The following CHSY3 variants were observed in gnomAD, a reference collection of about 807,000 sequenced individuals.
CHSY3 encodes the protein N-acetylgalactosaminyl-proteoglycan 3-beta-glucuronosyltransferase 3.
In CHSY3, 35 loss-of-function variants were observed where a neutral mutation model predicts 67.2. The observed-to-expected ratio is 0.52, with a 90% CI of 0.40 to 0.69. The LOEUF (loss-of-function observed/expected upper bound fraction) is 0.69, where lower values mean the gene tolerates loss of function less well. CHSY3 is among the 30% of genes least tolerant of loss of function. CHSY3 has a pLI of 0.00. For synonymous variants in CHSY3, 474 were observed against 434.7 expected, an observed-to-expected ratio of 1.09 and a Z score of -1.12; for missense variants, 1,069 against 1,138.5, an observed-to-expected ratio of 0.94 and a Z score of 0.88.
chr5:130,040,129 C>T, intron 2 of CHSY3, among the ~76,000 whole-genome samples: 1 of 152,132 alleles, frequency 6.6e-6, no homozygotes, highest in Non-Finnish European at 1.5e-5. Context: ...CATCCAGGTA[C>T]TTGGGTGCCC....
At chr5:130,041,965 A>G (rs1429419014) in intron 2 of CHSY3, among the ~76,000 whole-genome samples, 1 of 152,126 alleles carries the variant, frequency 6.6e-6, no homozygotes, top group Admixed American at 6.6e-5. Flanking sequence ...TCAGCCTGGT[A>G]CAGTGGCTCA....
rs35333880 is a variant in CHSY3 at position 129,919,113 on chromosome 5, CAAAA to C, written c.1086+10774_1086+10777del. Among the ~76,000 whole-genome samples the C allele has an allele frequency of 8.2e-5, 6 of 73,432 alleles. No individual in the cohort carries two copies. The South Asian group carries it at 2.8e-3, about 34-fold the overall frequency. The allele number at this position is 73,432 out of a possible 152,430, so 48.2% of individuals were successfully genotyped here. On this transcript the variant is annotated intron_variant, in intron 2 of 2. Coordinates refer to ENST00000305031, the MANE Select transcript of CHSY3 (RefSeq NM_175856.5). ...TGGGCGACAGAGCGAGACTCCGTCT[CAAAA>C]AAAAAAAAAAAAAAAAAAAATTTAT...
At chr5:130,009,976 A>C (rs1764003178) in intron 2 of CHSY3, among the ~76,000 whole-genome samples, 1 of 152,206 alleles carries the variant, frequency 6.6e-6, no homozygotes, top group African/African-American at 2.4e-5. Flanking sequence ...TGGAGCACCC[A>C]GATCATAAAA....
At chr5:130,040,415 C>T (rs914640186) in intron 2 of CHSY3, among the ~76,000 whole-genome samples, 1 of 151,990 alleles carries the variant, frequency 6.6e-6, no homozygotes, top group East Asian at 1.9e-4. Flanking sequence ...AAGTTTGCTC[C>T]CCGAAATTGT....
chr5:130,068,841 C>T (rs1765968693), intron 2 of CHSY3, among the ~76,000 whole-genome samples: 1 of 152,054 alleles, frequency 6.6e-6, no homozygotes, highest in Non-Finnish European at 1.5e-5. Context: ...AGTTCAATAA[C>T]CACTAGAAAG....
chr5:129,943,271 A>T (rs1456828152), intron 2 of CHSY3, among the ~76,000 whole-genome samples: 1 of 152,216 alleles, frequency 6.6e-6, no homozygotes, highest in African/African-American at 2.4e-5. Context: ...AAGGTTTTGC[A>T]GTAATTCAGT....
chr5:130,102,572 C>T (rs961283984), intron 2 of CHSY3, among the ~76,000 whole-genome samples: 1 of 151,614 alleles, frequency 6.6e-6, no homozygotes, highest in Non-Finnish European at 1.5e-5. Context: ...TAGAGCAGCA[C>T]AATGATTTCA....
At chr5:130,160,253 T>G (rs1376114889) in intron 2 of CHSY3, among the ~76,000 whole-genome samples, 3 of 152,236 alleles carry the variant, frequency 2.0e-5, no homozygotes, top group Non-Finnish European at 2.9e-5. Context: ...TCCTTGTCCA[T>G]CTGACTCCCA....
chr5:130,020,910 G>A (rs1048745544), intron 2 of CHSY3, among the ~76,000 whole-genome samples: 3 of 151,916 alleles, frequency 2.0e-5, no homozygotes, highest in Admixed American at 6.6e-5. Context: ...AGTTATTTAC[G>A]TGTTTTTTTC....
chr5:129,929,326 T>A (rs1761222284), intron 2 of CHSY3, among the ~76,000 whole-genome samples: 1 of 152,232 alleles, frequency 6.6e-6, no homozygotes, highest in Non-Finnish European at 1.5e-5. Flanking sequence ...TATGTAAGAA[T>A]AAAGTTTTCA....
intron 2 of CHSY3, among the ~76,000 whole-genome samples, chr5:129,938,084 C>T (rs1220530681): frequency 6.6e-6 from 1 of 152,236 alleles, no homozygotes; most frequent in Non-Finnish European, 1.5e-5. Context: ...AACTCTTGCC[C>T]TCTGTGCACC....
At chr5:129,987,864 C>T (rs534737968) in intron 2 of CHSY3, among the ~76,000 whole-genome samples, 65 of 152,204 alleles carry the variant, frequency 4.3e-4, no homozygotes, top group African/African-American at 1.2e-3. Context: ...TGATTTTTCT[C>T]GCTGCAGTTG....
intron 2 of CHSY3, among the ~76,000 whole-genome samples, chr5:130,030,912 T>C (rs1561505310): frequency 1.3e-5 from 2 of 152,044 alleles, no homozygotes; most frequent in Non-Finnish European, 2.9e-5. Flanking sequence ...GTAAGAATAA[T>C]GAATGAAAGT....
At chr5:130,058,258 A>G (rs1765598983) in intron 2 of CHSY3, among the ~76,000 whole-genome samples, 2 of 152,164 alleles carry the variant, frequency 1.3e-5, no homozygotes, top group Admixed American at 1.3e-4. Context: ...TTCATTGACA[A>G]ATTATCCTTT....
intron 2 of CHSY3, among the ~76,000 whole-genome samples, chr5:130,133,195 T>G (rs1259042261): frequency 6.6e-6 from 1 of 152,106 alleles, no homozygotes; most frequent in African/African-American, 2.4e-5. Context: ...CTCAGCACCA[T>G]GAGAAGGGCA....
At chr5:130,150,202 A>G (rs1769194788) in intron 2 of CHSY3, among the ~76,000 whole-genome samples, 1 of 152,176 alleles carries the variant, frequency 6.6e-6, no homozygotes, top group African/African-American at 2.4e-5. Context: ...AACAGAAGAT[A>G]CACACTGTAT....
intron 2 of CHSY3, among the ~76,000 whole-genome samples, chr5:130,128,282 A>C (rs1768363094): frequency 6.6e-6 from 1 of 151,162 alleles, no homozygotes; most frequent in South Asian, 2.1e-4. Flanking sequence ...ATGCACATCT[A>C]CGCATATATA....
At chr5:130,101,646 T>C (rs1407954421) in intron 2 of CHSY3, among the ~76,000 whole-genome samples, 3 of 152,166 alleles carry the variant, frequency 2.0e-5, no homozygotes, top group Non-Finnish European at 4.4e-5. Context: ...AATATATTGT[T>C]ATTAACTATA....
intron 2 of CHSY3, among the ~76,000 whole-genome samples, chr5:129,918,153 G>A (rs903141149): frequency 4.6e-5 from 7 of 151,988 alleles, no homozygotes; most frequent in Non-Finnish European, 7.4e-5. Flanking sequence ...GTTTTCTCAC[G>A]ATCTGATTTT....
Sources: gnomAD v4.1 joint callset for allele counts (sites outside exome capture counted in the v4.1 genomes callset) on GRCh38, gnomAD v4.1.1 for gene constraint, MANE v1.5 for transcripts, NCBI Gene and HGNC (gene_info 2026-07-23, HGNC 2026-07-21) for gene names.